SEZ6L: variants seen among roughly 807,000 people sequenced by gnomAD.
The protein encoded by SEZ6L is seizure 6-like protein.
A neutral mutation model predicts 106.2 loss-of-function variants in SEZ6L; 37 were observed. The observed-to-expected ratio is 0.35, with a 90% CI of 0.27 to 0.46. The LOEUF is 0.46. SEZ6L is among the 20% of genes least tolerant of loss of function. SEZ6L has a pLI of 1.00. For missense variants in SEZ6L, 1,172 were observed against 1,332.8 expected, an observed-to-expected ratio of 0.88 and a Z score of 1.88; for synonymous variants, 541 against 570.4, an observed-to-expected ratio of 0.95 and a Z score of 0.73.
At chr22:26,169,909 C>T in intron 1 of SEZ6L, 146 bp downstream of exon 1, 1 of 398,674 alleles carries the variant, frequency 2.5e-6, no homozygotes. Context: ...GGCTAGGAAC[C>T]GCACGTCCCC....
At chr22:26,345,539 G>A (rs1601562743) in intron 10 of SEZ6L, among the ~76,000 whole-genome samples, 1 of 152,128 alleles carries the variant, frequency 6.6e-6, no homozygotes, top group East Asian at 1.9e-4. Flanking sequence ...CCAAATCCAG[G>A]GCTTGGCTGA....
intron 1 of SEZ6L, among the ~76,000 whole-genome samples, chr22:26,180,763 G>A (rs1483935835): frequency 6.6e-6 from 1 of 152,210 alleles, no homozygotes; most frequent in Non-Finnish European, 1.5e-5. Flanking sequence ...TCCCATGAGA[G>A]ATTCATCTGG....
intron 9 of SEZ6L, among the ~76,000 whole-genome samples, chr22:26,316,815 G>C (rs902816778): frequency 3.3e-5 from 5 of 150,850 alleles, no homozygotes; most frequent in African/African-American, 1.2e-4. Context: ...CTGGGTGACA[G>C]AGTGAGACTC....
At chr22:26,211,977 T>A (rs919019089) in intron 1 of SEZ6L, among the ~76,000 whole-genome samples, 8 of 151,926 alleles carry the variant, frequency 5.3e-5, no homozygotes, top group Non-Finnish European at 8.8e-5. Flanking sequence ...TTCATTTGCA[T>A]AACAGGGATT....
intron 1 of SEZ6L, among the ~76,000 whole-genome samples, chr22:26,197,178 CTT>C (rs1352850628): frequency 6.6e-6 from 1 of 151,018 alleles, no homozygotes; most frequent in Non-Finnish European, 1.5e-5. Flanking sequence ...TTATTTATTT[CTT>C]TTCATTTTAT....
chr22:26,368,792 C>G (rs1472690421), intron 13 of SEZ6L, among the ~76,000 whole-genome samples: 2 of 151,712 alleles, frequency 1.3e-5, no homozygotes, highest in Admixed American at 1.3e-4. Context: ...AGTCTTATGA[C>G]CACTGTCTAA....
At position 26,382,092 on chromosome 22, in the gene SEZ6L, T is replaced by C; in HGVS notation, c.*1797T>C. 1 of 516,424 alleles carries C rather than the reference T, an allele frequency of 1.9e-6. No homozygotes were observed. The highest frequency in any genetic ancestry group is 1.4e-5 in the South Asian group (1 of 71,356). 32.0% of individuals were successfully genotyped at this position (516,424 alleles called of 1,614,324 possible). ...ATATTTTCCTTCTGCCAGAAAAGAA[T>C]CTTGCACATATACTCCTGAAGGCAT... On this transcript the variant is annotated 3_prime_UTR_variant, in exon 17 of 17. Coordinates refer to ENST00000248933, the MANE Select transcript of SEZ6L (RefSeq NM_021115.5).
At chr22:26,243,395 A>G (rs949703931) in intron 1 of SEZ6L, among the ~76,000 whole-genome samples, 1 of 152,234 alleles carries the variant, frequency 6.6e-6, no homozygotes, top group African/African-American at 2.4e-5. Flanking sequence ...AGAAGACAGC[A>G]TTGAGCAGAG....
At chr22:26,176,683 TTTACA>T (rs1939025999) in intron 1 of SEZ6L, among the ~76,000 whole-genome samples, 1 of 152,156 alleles carries the variant, frequency 6.6e-6, no homozygotes, top group Non-Finnish European at 1.5e-5. Flanking sequence ...GAGGATTAGA[TTTACA>T]TTACAAGATT....
At chr22:26,311,370 T>C (rs893334459) in intron 7 of SEZ6L, among the ~76,000 whole-genome samples, 7 of 152,212 alleles carry the variant, frequency 4.6e-5, no homozygotes, top group Admixed American at 3.3e-4. Flanking sequence ...GCATTTCATG[T>C]ACGCTGGGGG....
chr22:26,380,325 G>A lies in SEZ6L; in HGVS notation c.*30G>A. 1 of 1,594,686 alleles carries A rather than the reference G, an allele frequency of 6.3e-7. No homozygotes were observed. Among genetic ancestry groups the A allele is most frequent in the Non-Finnish European group, 8.6e-7 (1 of 1,162,404 alleles). On this transcript the variant is annotated 3_prime_UTR_variant, in exon 17 of 17. Coordinates refer to ENST00000248933, the MANE Select transcript of SEZ6L (RefSeq NM_021115.5). ...AGCTACACTTGAGAAGGGGACTTGT[G>A]AACTCAACCACAATCTCCTCGAGAC...
At chr22:26,293,341 T>C (rs1434163973) in intron 2 of SEZ6L, among the ~76,000 whole-genome samples, 195 bp downstream of exon 2, 1 of 152,138 alleles carries the variant, frequency 6.6e-6, no homozygotes. Flanking sequence ...TTTTGGGGGG[T>C]TGTTTTAGCA....
rs1191541135 is a variant in SEZ6L, at chr22:26,352,293, G to T, written c.2599+1050G>T. On this transcript the variant is annotated intron_variant, in intron 12 of 16. Transcript: ENST00000248933. ...CAGAGCCTTACACAGTATTTTGGGG[G>T]TTAGAAACTCTCAGCTGCACTAATA... 2.6e-5 allele frequency among the ~76,000 whole-genome samples: 4 copies of T among 152,262 alleles called. No individual in the cohort carries two copies. In the East Asian group the frequency reaches 7.7e-4, roughly 29 times the overall value.
intron 6 of SEZ6L, among the ~76,000 whole-genome samples, chr22:26,308,097 C>T (rs1016228438): frequency 6.6e-6 from 1 of 152,150 alleles, no homozygotes; most frequent in African/African-American, 2.4e-5. Context: ...AAAGAGAAAT[C>T]AATTATGTCT....
chr22:26,247,177 C>T (rs2079384164), intron 1 of SEZ6L, among the ~76,000 whole-genome samples: 1 of 152,138 alleles, frequency 6.6e-6, no homozygotes, highest in South Asian at 2.1e-4. Context: ...AAACAAAGGG[C>T]ATTTGTAGGG....
At chr22:26,288,669 T>C (rs2081011991) in intron 1 of SEZ6L, among the ~76,000 whole-genome samples, 1 of 152,212 alleles carries the variant, frequency 6.6e-6, no homozygotes, top group African/African-American at 2.4e-5. Flanking sequence ...CTGATACGGT[T>C]GAGAAGGAAT....
At chr22:26,333,727 T>C (rs1195326734) in intron 9 of SEZ6L, among the ~76,000 whole-genome samples, 1 of 151,920 alleles carries the variant, frequency 6.6e-6, no homozygotes. Flanking sequence ...CCCAGACCAA[T>C]GGGGCCCCAA....
chr22:26,313,845 A>G lies in SEZ6L; in HGVS notation c.1958A>G (p.Asp653Gly), dbSNP rs1429201834. The G allele has an allele frequency of 1.9e-6, 3 of 1,613,030 alleles. No individual in the cohort carries two copies. The highest frequency in any genetic ancestry group is 2.2e-5 in the South Asian group (2 of 91,036). Reference sequence around the variant, plus strand: ...CCCGAGCCCTACGTGGAAGGTGAAGATTGTATCTGGAAGATCCACGTGGGA... The same window carrying G: ...CCCGAGCCCTACGTGGAAGGTGAAGGTTGTATCTGGAAGATCCACGTGGGA... ...NWPEPYVEGE[D>G]CIWKIHVGEE... The change falls in exon 9 of 17, where the codon GAT (aspartate) becomes GGT (glycine). Residue 653 changes from aspartate (D) to glycine (G), a missense_variant. Asp to Gly is a moderately conservative substitution (Grantham distance 94, BLOSUM62 -1). Around this residue, in one of 4 missense-constraint regions of SEZ6L, gnomAD observed 534 missense variants for 691.0 expected, o/e 0.77. Coordinates refer to ENST00000248933, the MANE Select transcript of SEZ6L (RefSeq NM_021115.5).
intron 1 of SEZ6L, among the ~76,000 whole-genome samples, chr22:26,255,342 C>T (rs2079775239): frequency 6.6e-6 from 1 of 152,188 alleles, no homozygotes; most frequent in African/African-American, 2.4e-5. Context: ...GAATAAATCA[C>T]CAAAGCTTTC....
Sources: gnomAD v4.1 joint callset for allele counts (sites outside exome capture counted in the v4.1 genomes callset) on GRCh38, gnomAD v4.1.1 for gene constraint, gnomAD v4.1.1 regional missense constraint, MANE v1.5 for transcripts, NCBI Gene and HGNC (gene_info 2026-07-23, HGNC 2026-07-21) for gene names.